The following SAMD3 variants were observed in gnomAD, a reference collection of about 807,000 sequenced individuals.
SAMD3 encodes the protein sterile alpha motif domain-containing protein 3.
SAMD3 carries 63 observed loss-of-function variants against 58.5 expected under a neutral mutation model. The ratio of observed to expected loss-of-function variants is 1.08; its 90% CI spans 0.88 to 1.33. The LOEUF (loss-of-function observed/expected upper bound fraction) is 1.33, where lower values mean the gene tolerates loss of function less well. SAMD3 is among the 40% of genes most tolerant of loss of function. The probability of loss-of-function intolerance (pLI) is 0.00; values close to 1 mark genes in which losing one functional copy is unlikely to be tolerated. For synonymous variants in SAMD3, 220 were observed against 210.3 expected, an observed-to-expected ratio of 1.05 and a Z score of -0.40; for missense variants, 604 against 608.4, an observed-to-expected ratio of 0.99 and a Z score of 0.08.
At chr6:130,209,984 C>T (rs1795392433) in intron 4 of SAMD3, among the ~76,000 whole-genome samples, 1 of 152,236 alleles carries the variant, frequency 6.6e-6, no homozygotes, top group Non-Finnish European at 1.5e-5. Flanking sequence ...CTACTCTGCT[C>T]TCTGCCATTT....
At chr6:130,166,177 C>A (rs1790722872) in intron 8 of SAMD3, among the ~76,000 whole-genome samples, 1 of 152,182 alleles carries the variant, frequency 6.6e-6, no homozygotes, top group African/African-American at 2.4e-5. Flanking sequence ...GCAGATGCTA[C>A]AAGGGGGTCC....
chr6:130,244,050 G>A (rs921118972), intron 2 of SAMD3, among the ~76,000 whole-genome samples: 1 of 152,156 alleles, frequency 6.6e-6, no homozygotes, highest in African/African-American at 2.4e-5. Context: ...CAAAAAAGAA[G>A]ATAGATTTCA....
intron 2 of SAMD3, among the ~76,000 whole-genome samples, chr6:130,257,082 C>G (rs979707268): frequency 1.3e-5 from 2 of 152,056 alleles, no homozygotes; most frequent in Non-Finnish European, 2.9e-5. Context: ...ACAATTAAGC[C>G]TTAGTAAAGA....
At chr6:130,178,529 CATT>C (rs1416578597) in intron 7 of SAMD3, among the ~76,000 whole-genome samples, 1 of 152,126 alleles carries the variant, frequency 6.6e-6, no homozygotes, top group Non-Finnish European at 1.5e-5. Flanking sequence ...ACCAAAATAA[CATT>C]AGCCAAATGC....
At chr6:130,255,732 G>A (rs1006241784) in intron 2 of SAMD3, among the ~76,000 whole-genome samples, 2 of 151,776 alleles carry the variant, frequency 1.3e-5, no homozygotes, top group Non-Finnish European at 1.5e-5. Flanking sequence ...GAACTCAAGC[G>A]ATCCCCCCAC....
chr6:130,328,404 T>C (rs905279860), intron 1 of SAMD3, among the ~76,000 whole-genome samples: 14 of 152,164 alleles, frequency 9.2e-5, no homozygotes, highest in Admixed American at 4.6e-4. Flanking sequence ...ATTCACTTTT[T>C]CCCCACCTCT....
chr6:130,333,044 CGTGTGTGTGTGTGTGT>C (rs10529435), intron 1 of SAMD3, among the ~76,000 whole-genome samples: 19,044 of 143,574 alleles, frequency 0.13, 1,514 homozygotes, highest in East Asian at 0.36. Context: ...GTTGAGTATG[CGTGTGTGTGTGTGTGT>C]GTGTGTGTGT....
At chr6:130,351,390 A>G (rs1012668790) in intron 1 of SAMD3, among the ~76,000 whole-genome samples, 2 of 152,208 alleles carry the variant, frequency 1.3e-5, no homozygotes, top group South Asian at 2.1e-4. Context: ...GAAAAAAACA[A>G]ACAACCCCAT....
At chr6:130,293,376 A>T (rs1051958083) in intron 2 of SAMD3, among the ~76,000 whole-genome samples, 1 of 152,152 alleles carries the variant, frequency 6.6e-6, no homozygotes, top group East Asian at 1.9e-4. Context: ...TTGACCCACA[A>T]TGTATCACAA....
intron 1 of SAMD3, among the ~76,000 whole-genome samples, chr6:130,354,889 T>G (rs762275794): frequency 6.6e-6 from 1 of 152,196 alleles, no homozygotes; most frequent in Non-Finnish European, 1.5e-5. Context: ...CAGAGCCTCC[T>G]TTGAGACCTG....
At chr6:130,202,326 C>T (rs1005057115) in intron 5 of SAMD3, among the ~76,000 whole-genome samples, 8 of 152,196 alleles carry the variant, frequency 5.3e-5, no homozygotes, top group African/African-American at 1.7e-4. Flanking sequence ...TCTGTATCCC[C>T]GCTCCTGCTT....
intron 9 of SAMD3, among the ~76,000 whole-genome samples, chr6:130,149,709 T>C (rs906041891): frequency 1.3e-5 from 2 of 152,156 alleles, no homozygotes; most frequent in Non-Finnish European, 2.9e-5. Context: ...CGGAGTCCAC[T>C]TGAGATTAGA....
At position 130,175,948 on chromosome 6, in the gene SAMD3, C is replaced by T; in HGVS notation, c.715G>A (p.Asp239Asn). The T allele has an allele frequency of 1.2e-6, 2 of 1,613,648 alleles. No homozygotes were observed. Among genetic ancestry groups the T allele is most frequent in the Non-Finnish European group, 1.7e-6 (2 of 1,179,664 alleles). Residue 239 changes from aspartate to asparagine, a missense_variant, in exon 8 of 12, where the codon GAT (aspartate) becomes AAT (asparagine). By Grantham distance (23) the Asp-to-Asn change is conservative (BLOSUM62 1). Coordinates refer to ENST00000439090, the MANE Select transcript of SAMD3 (RefSeq NM_001017373.4). ...FKYVRRPIED[D>N]EQVIRNKCKF... ...CACTTATTTCTAATCACTTGCTCAT[C>T]ATCTTCTATGGGTCTTCGAACATAT...
chr6:130,177,679 T>C (rs983721887), intron 7 of SAMD3, among the ~76,000 whole-genome samples: 1 of 152,124 alleles, frequency 6.6e-6, no homozygotes, highest in East Asian at 1.9e-4. Context: ...TGATACTTTG[T>C]CTGTTTCTAT....
At chr6:130,222,015 C>A (rs1796246104) in intron 1 of SAMD3, among the ~76,000 whole-genome samples, 4 of 152,224 alleles carry the variant, frequency 2.6e-5, no homozygotes, top group Admixed American at 2.6e-4. Flanking sequence ...TTACACACTG[C>A]TAAGGGGAGT....
At chr6:130,235,878 A>G (rs1773130830) in intron 2 of SAMD3, among the ~76,000 whole-genome samples, 2 of 152,176 alleles carry the variant, frequency 1.3e-5, no homozygotes, top group South Asian at 4.1e-4. Context: ...CAGGTATTGT[A>G]TCATTTACTC....
intron 2 of SAMD3, among the ~76,000 whole-genome samples, chr6:130,228,890 G>C (rs1796460332): frequency 6.6e-6 from 1 of 152,196 alleles, no homozygotes; most frequent in Admixed American, 6.5e-5. Context: ...TTGCCATTGG[G>C]AAGGAATAGG....
At chr6:130,289,496 A>G (rs939256247) in intron 2 of SAMD3, among the ~76,000 whole-genome samples, 1 of 151,182 alleles carries the variant, frequency 6.6e-6, no homozygotes, top group Admixed American at 6.6e-5. Flanking sequence ...TAAAGAAAAA[A>G]AAATATATAT....
At chr6:130,263,443 C>T (rs1228814351) in intron 2 of SAMD3, among the ~76,000 whole-genome samples, 1 of 152,038 alleles carries the variant, frequency 6.6e-6, no homozygotes, top group East Asian at 1.9e-4. Flanking sequence ...AGGACCCTAC[C>T]TTGTGCTGCT....
Sources: gnomAD v4.1 joint callset for allele counts (sites outside exome capture counted in the v4.1 genomes callset) on GRCh38, gnomAD v4.1.1 for gene constraint, MANE v1.5 for transcripts, NCBI Gene and HGNC (gene_info 2026-07-23, HGNC 2026-07-21) for gene names.